KLHL32: variants seen among roughly 807,000 people sequenced by gnomAD.
KLHL32 encodes kelch-like protein 32.
KLHL32 carries 35 observed loss-of-function variants against 64.8 expected under a neutral mutation model. The observed-to-expected ratio is 0.54, with a 90% confidence interval of 0.41 to 0.72. The LOEUF (loss-of-function observed/expected upper bound fraction) is 0.72, where lower values mean the gene tolerates loss of function less well. Ranked by LOEUF, KLHL32 falls within the 30% of genes least tolerant of loss-of-function variation. KLHL32 has a pLI of 0.00. For synonymous variants in KLHL32, 259 were observed against 281.0 expected, an observed-to-expected ratio of 0.92 and a Z score of 0.78; for missense variants, 589 against 768.5, an observed-to-expected ratio of 0.77 and a Z score of 2.76.
intron 6 of KLHL32, among the ~76,000 whole-genome samples, chr6:97,112,421 T>C (rs1797259269): frequency 6.6e-6 from 1 of 152,102 alleles, no homozygotes; most frequent in Non-Finnish European, 1.5e-5. Context: ...AGGTGCTCCA[T>C]AAATGAATTG....
At chr6:97,001,807 G>A (rs1415608475) in intron 3 of KLHL32, among the ~76,000 whole-genome samples, 7 of 152,184 alleles carry the variant, frequency 4.6e-5, no homozygotes, top group Non-Finnish European at 1.0e-4. Flanking sequence ...TTTTTAGATG[G>A]AGAGTAGCAC....
intron 1 of KLHL32, among the ~76,000 whole-genome samples, chr6:96,952,616 T>C (rs1772760670): frequency 6.6e-6 from 1 of 152,196 alleles, no homozygotes; most frequent in Admixed American, 6.5e-5. Flanking sequence ...AACTACCTTT[T>C]GTAAGACTAA....
At chr6:96,917,726 G>A in the KLHL32 span, among the ~76,000 whole-genome samples, 2 of 152,106 alleles carry the variant, frequency 1.3e-5, no homozygotes, top group East Asian at 1.9e-4. Flanking sequence ...TTCCTGTGAC[G>A]GGCTTAAGAG....
the KLHL32 span, among the ~76,000 whole-genome samples, chr6:96,901,500 C>G: frequency 6.6e-6 from 1 of 152,102 alleles, no homozygotes; most frequent in Non-Finnish European, 1.5e-5. Flanking sequence ...CGTGGATAAT[C>G]CAGGATAATC....
At chr6:97,046,026 A>G (rs1418978880) in intron 4 of KLHL32, among the ~76,000 whole-genome samples, 1 of 152,214 alleles carries the variant, frequency 6.6e-6, no homozygotes, top group Admixed American at 6.5e-5. Flanking sequence ...TGGGGTTGCA[A>G]TTATTCTGTC....
chr6:97,109,581 A>G (rs1352818118), intron 6 of KLHL32, among the ~76,000 whole-genome samples: 1 of 152,210 alleles, frequency 6.6e-6, no homozygotes, highest in Non-Finnish European at 1.5e-5. Flanking sequence ...AGCTTAGTTG[A>G]GGCTTGTGTG....
chr6:96,911,853 G>GCAGCCGC, the KLHL32 span, among the ~76,000 whole-genome samples: 1 of 33,094 alleles, frequency 3.0e-5, no homozygotes, highest in African/African-American at 2.3e-4. Context: ...TTTTTTTTTG[G>GCAGCCGC]CAGCTGCCAC....
At chr6:96,977,325 G>A (rs1334790705) in intron 3 of KLHL32, among the ~76,000 whole-genome samples, 1 of 152,138 alleles carries the variant, frequency 6.6e-6, no homozygotes, top group Non-Finnish European at 1.5e-5. Flanking sequence ...TGGCAGATCT[G>A]GAATCGAAAT....
At position 97,113,857 on chromosome 6, in the gene KLHL32, C is replaced by A. The variant is rs1353983342; in HGVS notation, c.702C>A (p.Gly234=). Residue 234 remains glycine (G), a synonymous_variant, in exon 7 of 11, where the codon GGC becomes GGA. Transcript: ENST00000369261. ...MDELLQYIRF[G]LMDVDTLHTV... ...AGCTCCTGCAATACATCCGCTTTGG[C>A]CTAATGGATGTGGATACTCTCCATA... is the stretch of plus-strand genomic sequence containing the variant. 1.2e-6 allele frequency: 2 copies of A among 1,613,992 alleles called. No individual in the cohort carries two copies. The highest frequency in any genetic ancestry group is 4.5e-5 in the East Asian group (2 of 44,874).
intron 5 of KLHL32, among the ~76,000 whole-genome samples, chr6:97,073,918 A>G (rs1417637965): frequency 6.6e-6 from 1 of 151,740 alleles, no homozygotes; most frequent in African/African-American, 2.4e-5. Flanking sequence ...CAGGCTACCA[A>G]CCTTTTTCCT....
intron 5 of KLHL32, among the ~76,000 whole-genome samples, chr6:97,079,728 C>T (rs1210967199): frequency 6.6e-6 from 1 of 151,978 alleles, no homozygotes; most frequent in Non-Finnish European, 1.5e-5. Flanking sequence ...ATAAGAGAAG[C>T]CAAATAGCCC....
intron 6 of KLHL32, among the ~76,000 whole-genome samples, chr6:97,104,435 G>A (rs760238453): frequency 1.8e-4 from 27 of 152,170 alleles, no homozygotes; most frequent in Non-Finnish European, 3.7e-4. Flanking sequence ...TATGCTAAAG[G>A]TGAACATAAT....
chr6:96,924,490 C>T (rs1225440159), upstream of KLHL32: 1 of 136,376 alleles, frequency 7.3e-6, no homozygotes, highest in Non-Finnish European at 1.6e-5. Context: ...CGGGGGGCGG[C>T]AGGGGAGCGA....
chr6:96,944,208 T>C (rs983294062), intron 1 of KLHL32, among the ~76,000 whole-genome samples: 17 of 152,228 alleles, frequency 1.1e-4, no homozygotes, highest in African/African-American at 4.1e-4. Flanking sequence ...GGTGTTTAAA[T>C]AATTTAAAAT....
chr6:96,988,801 G>A (rs1261425093), intron 3 of KLHL32, among the ~76,000 whole-genome samples: 1 of 152,168 alleles, frequency 6.6e-6, no homozygotes, highest in Non-Finnish European at 1.5e-5. Context: ...CATGTCCTTT[G>A]TAGGGACATG....
intron 3 of KLHL32, among the ~76,000 whole-genome samples, chr6:97,025,493 G>C (rs1562255259): frequency 6.6e-6 from 1 of 152,232 alleles, no homozygotes; most frequent in Non-Finnish European, 1.5e-5. Flanking sequence ...TGAAATTCCA[G>C]TAATAGATAT....
chr6:97,087,805 C>G (rs1793653935), intron 6 of KLHL32, among the ~76,000 whole-genome samples: 1 of 152,186 alleles, frequency 6.6e-6, no homozygotes, highest in Non-Finnish European at 1.5e-5. Context: ...TTCATGCAGT[C>G]TGGCTCTGAA....
chr6:96,959,329 G>C (rs1159046974), intron 1 of KLHL32, among the ~76,000 whole-genome samples: 1 of 152,162 alleles, frequency 6.6e-6, no homozygotes, highest in Admixed American at 6.5e-5. Context: ...GAAGAGACTG[G>C]CAAAGGGCTG....
At chr6:96,970,778 A>G (rs1775021626) in intron 2 of KLHL32, among the ~76,000 whole-genome samples, 1 of 152,198 alleles carries the variant, frequency 6.6e-6, no homozygotes, top group South Asian at 2.1e-4. Context: ...GCTTATTACT[A>G]TGACCATTGC....
Sources: allele counts gnomAD v4.1 joint callset (sites outside exome capture counted in the v4.1 genomes callset), GRCh38; gene constraint gnomAD v4.1.1; transcripts MANE v1.5; gene names NCBI Gene and HGNC (gene_info 2026-07-23, HGNC 2026-07-21).